KCNH8: variants seen among roughly 807,000 people sequenced by gnomAD.
KCNH8 encodes voltage-gated delayed rectifier potassium channel KCNH8.
Under a neutral mutation model 103.6 loss-of-function variants are expected in KCNH8, and 70 were observed. That is an observed-to-expected ratio of 0.68 (90% CI 0.56 to 0.82). The LOEUF (loss-of-function observed/expected upper bound fraction) is 0.82. KCNH8 is among the 40% of genes least tolerant of loss of function. The pLI is 0.00. For missense variants in KCNH8, 1,217 were observed against 1,329.9 expected (o/e 0.92, Z 1.32); for synonymous variants, 498 against 489.4 (o/e 1.02, Z -0.23).
In KCNH8 at chr3:19,274,397, C is replaced by T. The variant is rs557731834; in HGVS notation, c.311-6801C>T. Among the ~76,000 whole-genome samples the T allele has an allele frequency of 5.3e-4, 80 of 152,256 alleles. 1 individual carries two copies. The highest frequency in any genetic ancestry group is 1.9e-3 in the African/African-American group (79 of 41,562). On this transcript the variant is annotated intron_variant, in intron 2 of 15. Coordinates refer to ENST00000328405, the MANE Select transcript of KCNH8 (RefSeq NM_144633.3). ...TGTTGTTTTCAGGGCCTCTTTATCT[C>T]CAGTTCTCATTGGACTGTACTCAGT... is the stretch of plus-strand genomic sequence containing the variant.
intron 3 of KCNH8, among the ~76,000 whole-genome samples, chr3:19,330,465 A>C (rs1309202470): frequency 6.6e-6 from 1 of 152,162 alleles, no homozygotes; most frequent in Non-Finnish European, 1.5e-5. Flanking sequence ...TTATAAAAAG[A>C]CAATGAATTT....
intron 1 of KCNH8, among the ~76,000 whole-genome samples, chr3:19,196,321 G>A (rs1424086785): frequency 6.6e-6 from 1 of 151,888 alleles, no homozygotes; most frequent in Non-Finnish European, 1.5e-5. Context: ...TAGGAGGTGA[G>A]GAGAGGAAAA....
intron 5 of KCNH8, among the ~76,000 whole-genome samples, chr3:19,359,818 AT>A (rs2065925536): frequency 6.6e-6 from 1 of 151,882 alleles, no homozygotes; most frequent in South Asian, 2.1e-4. Context: ...GTGTGTGTAT[AT>A]TTACTTGACA....
chr3:19,389,107 C>G (rs902845530), intron 5 of KCNH8, among the ~76,000 whole-genome samples: 5 of 152,128 alleles, frequency 3.3e-5, no homozygotes, highest in Non-Finnish European at 7.4e-5. Context: ...TACTGAGAAT[C>G]AAATGACATA....
At chr3:19,473,488 A>T (rs2067906349) in intron 11 of KCNH8, among the ~76,000 whole-genome samples, 1 of 152,156 alleles carries the variant, frequency 6.6e-6, no homozygotes, top group Non-Finnish European at 1.5e-5. Flanking sequence ...CTCTGGGAGA[A>T]TTTCTTCCAA....
rs1210009747 is a variant in KCNH8 at position 19,170,621 on chromosome 3, CAT to C, written c.76+21836_76+21837del. On this transcript the variant is annotated intron_variant, in intron 1 of 15. Transcript: ENST00000328405. ...ATATATATATATATGTATACACACA[CAT>C]ATATATATACACACATATATATACA... is the stretch of plus-strand genomic sequence containing the variant. 5.6e-4 allele frequency among the ~76,000 whole-genome samples: 77 copies of C among 137,044 alleles called. 1 individual carries two copies. Among genetic ancestry groups the C allele is most frequent in the African/African-American group, 1.2e-3 (37 of 32,142 alleles). 89.9% of individuals were successfully genotyped at this position (137,044 alleles called of 152,430 possible). A position where few individuals can be genotyped will look rare whatever the true frequency, so the allele number is the denominator to read the frequency against.
chr3:19,149,318 A>C (rs2063105583), intron 1 of KCNH8, among the ~76,000 whole-genome samples: 1 of 152,182 alleles, frequency 6.6e-6, no homozygotes, highest in African/African-American at 2.4e-5. Context: ...TGAGTTTGTC[A>C]GAACCTTGAT....
intron 7 of KCNH8, among the ~76,000 whole-genome samples, chr3:19,407,764 G>A (rs1284947860): frequency 1.3e-5 from 2 of 152,106 alleles, no homozygotes; most frequent in African/African-American, 2.4e-5. Context: ...GTGCAGGGGT[G>A]CTGTCTCTGC....
At chr3:19,452,475 A>G (rs1296057877) in intron 10 of KCNH8, among the ~76,000 whole-genome samples, 1 of 152,170 alleles carries the variant, frequency 6.6e-6, no homozygotes, top group Non-Finnish European at 1.5e-5. Flanking sequence ...CTAAACAGTG[A>G]TAATGCAGCA....
intron 11 of KCNH8, among the ~76,000 whole-genome samples, chr3:19,497,268 A>T (rs1405840880): frequency 6.6e-6 from 1 of 151,972 alleles, no homozygotes; most frequent in African/African-American, 2.4e-5. Context: ...AATTTTGGTT[A>T]TTTCTTATCT....
chr3:19,460,213 C>T (rs1376104200), intron 11 of KCNH8, among the ~76,000 whole-genome samples: 2 of 152,036 alleles, frequency 1.3e-5, no homozygotes, highest in African/African-American at 4.8e-5. Flanking sequence ...TGAGGTCTAG[C>T]CTTTATTCCT....
intron 5 of KCNH8, among the ~76,000 whole-genome samples, chr3:19,352,496 C>G (rs997366137): frequency 6.6e-6 from 1 of 152,128 alleles, no homozygotes; most frequent in South Asian, 2.1e-4. Context: ...AAGCACTCCT[C>G]AGCAAATGCA....
chr3:19,169,238 C>G (rs926792270), intron 1 of KCNH8, among the ~76,000 whole-genome samples: 1 of 149,074 alleles, frequency 6.7e-6, no homozygotes, highest in Non-Finnish European at 1.5e-5. Flanking sequence ...TAATCTCACT[C>G]TTTTGTTTCT....
At chr3:19,244,411 C>A (rs1348372806) in intron 1 of KCNH8, among the ~76,000 whole-genome samples, 2 of 152,068 alleles carry the variant, frequency 1.3e-5, no homozygotes, top group East Asian at 1.9e-4. Context: ...CATATGAGTG[C>A]ACGTGTTTTT....
At chr3:19,273,934 G>A (rs1389303992) in intron 2 of KCNH8, among the ~76,000 whole-genome samples, 1 of 152,118 alleles carries the variant, frequency 6.6e-6, no homozygotes, top group Non-Finnish European at 1.5e-5. Flanking sequence ...CCTGGTTTGA[G>A]AGTGAAATTC....
intron 15 of KCNH8, among the ~76,000 whole-genome samples, chr3:19,523,426 T>C (rs1200450705): frequency 6.6e-6 from 1 of 151,960 alleles, no homozygotes; most frequent in East Asian, 1.9e-4. Flanking sequence ...GTTTCTAACA[T>C]ATTGAAGAGT....
At chr3:19,218,911 G>A (rs952518163) in intron 1 of KCNH8, among the ~76,000 whole-genome samples, 15 of 152,064 alleles carry the variant, frequency 9.9e-5, no homozygotes, top group African/African-American at 3.6e-4. Context: ...TGGATTAGGG[G>A]CCCACCTTAT....
At chr3:19,203,300 A>G (rs77815335) in intron 1 of KCNH8, among the ~76,000 whole-genome samples, 6,204 of 152,216 alleles carry the variant, frequency 0.041, 451 homozygotes, top group African/African-American at 0.14. Flanking sequence ...TTGGCTAAAG[A>G]TTCAAAATAA....
At chr3:19,463,406 T>G (rs1034466340) in intron 11 of KCNH8, among the ~76,000 whole-genome samples, 3 of 152,050 alleles carry the variant, frequency 2.0e-5, no homozygotes, top group Admixed American at 2.0e-4. Flanking sequence ...TCTAAACCCA[T>G]AAGGGTTTGG....
Sources: allele counts gnomAD v4.1 joint callset (sites outside exome capture counted in the v4.1 genomes callset), GRCh38; gene constraint gnomAD v4.1.1; transcripts MANE v1.5; gene names NCBI Gene and HGNC (gene_info 2026-07-23, HGNC 2026-07-21).